The following TMCC3 variants were observed in gnomAD, a reference collection of about 807,000 sequenced individuals.
TMCC3 encodes the protein transmembrane and coiled-coil domain family 3, also known as transmembrane and coiled-coil domain protein 3.
TMCC3 carries 28 observed loss-of-function variants against 40.2 expected under a neutral mutation model. The observed-to-expected ratio is 0.70, with a 90% CI of 0.52 to 0.95. TMCC3 has a LOEUF of 0.95. TMCC3 is among the 40% of genes least tolerant of loss of function. The probability of loss-of-function intolerance (pLI) is 0.00; values close to 1 mark genes in which losing one functional copy is unlikely to be tolerated. For synonymous variants in TMCC3, 255 were observed against 248.5 expected (o/e 1.03, Z -0.25); for missense variants, 554 against 615.2 (o/e 0.90, Z 1.05).
intron 1 of TMCC3, among the ~76,000 whole-genome samples, chr12:94,638,447 A>G (rs967695700): frequency 2.0e-5 from 3 of 152,182 alleles, no homozygotes; most frequent in Admixed American, 6.5e-5. Flanking sequence ...GCATCTTCAC[A>G]TGCATCCCTC....
intron 1 of TMCC3, among the ~76,000 whole-genome samples, chr12:94,610,194 G>T (rs574221467): frequency 6.6e-6 from 1 of 152,278 alleles, no homozygotes; most frequent in South Asian, 2.1e-4. Context: ...TGCTAATCAG[G>T]TTACAAACAA....
chr12:94,589,228 G>T (rs973915783), intron 1 of TMCC3, among the ~76,000 whole-genome samples: 1 of 152,074 alleles, frequency 6.6e-6, no homozygotes, highest in Non-Finnish European at 1.5e-5. Flanking sequence ...GCTCAGGGAC[G>T]CCAAAAGATT....
chr12:94,596,841 G>C (rs560087904), intron 1 of TMCC3, among the ~76,000 whole-genome samples: 1 of 152,084 alleles, frequency 6.6e-6, no homozygotes, highest in Non-Finnish European at 1.5e-5. Context: ...AGAAGAACCT[G>C]CAACTGAGGT....
intron 1 of TMCC3, among the ~76,000 whole-genome samples, chr12:94,589,066 G>A (rs1351219734): frequency 5.9e-5 from 9 of 151,960 alleles, no homozygotes; most frequent in East Asian, 1.9e-4. Context: ...CAGGTGATCC[G>A]CCCACATCGG....
At position 94,615,835 on chromosome 12, in the gene TMCC3, G is replaced by A. The variant is rs1021241129; in HGVS notation, c.79-33297C>T. On this transcript the variant is annotated intron_variant, in intron 1 of 3. Transcript: ENST00000261226. ...CAAAGACAAATTGCATTTCTTTCTG[G>A]CATCTCCCAGGATATTAAAGACCAC... is the stretch of plus-strand genomic sequence containing the variant. 1.3e-4 allele frequency: 92 copies of A among 727,784 alleles called. No homozygotes were observed. The Admixed American group carries it at 5.8e-3, about 46-fold the overall frequency. The allele number at this position is 727,784 out of a possible 1,614,324, so 45.1% of individuals were successfully genotyped here. A position where few individuals can be genotyped will look rare whatever the true frequency, so the allele number is the denominator to read the frequency against.
chr12:94,605,913 A>T (rs1209111671), intron 1 of TMCC3, among the ~76,000 whole-genome samples: 2 of 152,224 alleles, frequency 1.3e-5, no homozygotes, highest in African/African-American at 4.8e-5. Context: ...AATGCAGGAA[A>T]GTACCACGGT....
intron 1 of TMCC3, among the ~76,000 whole-genome samples, chr12:94,631,032 G>A (rs1388350626): frequency 3.9e-5 from 6 of 152,158 alleles, no homozygotes; most frequent in African/African-American, 1.2e-4. Flanking sequence ...CGTGAGCCAC[G>A]GTGCCCGGCA....
chr12:94,582,663 G>A lies in TMCC3; in HGVS notation c.79-125C>T, dbSNP rs2068612428. The A allele has an allele frequency of 2.5e-5, 21 of 854,594 alleles. 1 individual carries two copies. The South Asian group carries it at 3.0e-4, about 12-fold the overall frequency. 52.9% of individuals were successfully genotyped at this position (854,594 alleles called of 1,614,324 possible). A position where few individuals can be genotyped will look rare whatever the true frequency, so the allele number is the denominator to read the frequency against. On this transcript the variant is annotated intron_variant, in intron 1 of 3. Coordinates refer to ENST00000261226, the MANE Select transcript of TMCC3 (RefSeq NM_020698.4). ...GTTTTTCGAACTACAAGTGTCACGG[G>A]ATAAAATCCCCCTGCTGTCCCCTCC...
intron 1 of TMCC3, among the ~76,000 whole-genome samples, chr12:94,612,662 T>C (rs769407732): frequency 6.6e-6 from 1 of 152,166 alleles, no homozygotes; most frequent in Non-Finnish European, 1.5e-5. Context: ...CAGCTACAAC[T>C]ACAAAAAAGG....
chr12:94,575,929 T>C (rs2068561981), intron 3 of TMCC3, among the ~76,000 whole-genome samples: 1 of 152,098 alleles, frequency 6.6e-6, no homozygotes, highest in Admixed American at 6.6e-5. Context: ...TTTATAGGCA[T>C]GCCACCATGT....
intron 1 of TMCC3, among the ~76,000 whole-genome samples, chr12:94,604,710 G>T (rs1309279846): frequency 6.7e-6 from 1 of 150,370 alleles, no homozygotes; most frequent in Non-Finnish European, 1.5e-5. Flanking sequence ...AGGCTGAGGT[G>T]GGAGGATTTC....
intron 3 of TMCC3, among the ~76,000 whole-genome samples, chr12:94,577,044 A>C (rs1032613964): frequency 6.6e-5 from 10 of 152,162 alleles, no homozygotes; most frequent in African/African-American, 1.9e-4. Context: ...AAGTGGGGAT[A>C]ATAACAGAAA....
chr12:94,599,137 T>C (rs1280285936), intron 1 of TMCC3, among the ~76,000 whole-genome samples: 1 of 152,240 alleles, frequency 6.6e-6, no homozygotes, highest in Non-Finnish European at 1.5e-5. Context: ...TTACTTTCTC[T>C]ATGCTTTGAT....
At chr12:94,648,220 T>TTTTATTTATTTATTTA (rs201121413) in intron 1 of TMCC3, among the ~76,000 whole-genome samples, 175 of 149,636 alleles carry the variant, frequency 1.2e-3, no homozygotes, top group African/African-American at 3.9e-3. Context: ...AGTAGAATTG[T>TTTTATTTATTTATTTA]TTTATTTATT....
chr12:94,571,635 C>T lies in TMCC3; in HGVS notation c.1234G>A (p.Gly412Arg), dbSNP rs1216954689. The change falls in exon 4 of 4, where the codon GGG becomes AGG. Residue 412 changes from glycine to arginine, a missense_variant. Transcript: ENST00000261226. ...TDTVNAKVLL[G>R]RCINVILAFM... is the part of the protein sequence containing the mutation. ...GCCAGGATCACGTTGATGCACCTCC[C>T]CAGGAGAACTTTAGCATTCACGGTG... is the stretch of plus-strand genomic sequence containing the variant. 1.2e-6 allele frequency: 2 copies of T among 1,614,044 alleles called. No individual in the cohort carries two copies. The highest frequency in any genetic ancestry group is 1.3e-5 in the African/African-American group (1 of 74,904).
chr12:94,576,653 AG>A (rs1340072654), intron 3 of TMCC3, among the ~76,000 whole-genome samples: 1 of 152,024 alleles, frequency 6.6e-6, no homozygotes. Context: ...TTTAAAAAAA[AG>A]TTGTTTTTAG....
At chr12:94,625,556 T>C (rs1215770231) in intron 1 of TMCC3, among the ~76,000 whole-genome samples, 1 of 144,236 alleles carries the variant, frequency 6.9e-6, no homozygotes, top group East Asian at 2.0e-4. Context: ...ATCGTGCCAC[T>C]GCACTCCAGT....
At chr12:94,582,710 G>C (rs1338814279) in intron 1 of TMCC3, among the ~76,000 whole-genome samples, 172 bp from the exon 2 acceptor site, 1 of 151,194 alleles carries the variant, frequency 6.6e-6, no homozygotes, top group African/African-American at 2.4e-5. Context: ...GAGGCAGCCT[G>C]GCTCCTTCCT....
chr12:94,571,470 G>A lies in TMCC3; in HGVS notation c.1399C>T (p.Leu467=). The A allele has an allele frequency of 6.2e-7, 1 of 1,613,908 alleles. No homozygotes were observed. Among genetic ancestry groups the A allele is most frequent in the Non-Finnish European group, 8.5e-7 (1 of 1,180,036 alleles). ...ATTATCATCCTTTCTATGGCACACA[G>A]GATATGGTCCCAGTTTTTACAAAAT... ...AIFCKNWDHI[L]CAIERMIIPR Residue 467 remains leucine (L), a synonymous_variant, in exon 4 of 4, where the codon CTG becomes TTG. Transcript: ENST00000261226.
Sources: allele counts gnomAD v4.1 joint callset (sites outside exome capture counted in the v4.1 genomes callset), GRCh38; gene constraint gnomAD v4.1.1; transcripts MANE v1.5; gene names NCBI Gene and HGNC (gene_info 2026-07-23, HGNC 2026-07-21).